OCIAD1: variants seen among roughly 807,000 people sequenced by gnomAD.
OCIAD1 encodes OCIA domain containing 1, also known as OCIA domain-containing protein 1.
A neutral mutation model predicts 38.9 loss-of-function variants in OCIAD1; 29 were observed. The observed-to-expected ratio is 0.74, with a 90% CI of 0.55 to 1.02. OCIAD1 has a LOEUF of 1.02. OCIAD1 is among the 50% of genes least tolerant of loss of function. The pLI is 0.00. For synonymous variants in OCIAD1, 110 were observed against 92.0 expected, an observed-to-expected ratio of 1.20 and a Z score of -1.12; for missense variants, 288 against 289.6, an observed-to-expected ratio of 0.99 and a Z score of 0.04.
intron 3 of OCIAD1, 99 bp downstream of exon 3, chr4:48,833,580 C>A (rs752555342): frequency 2.7e-5 from 19 of 699,934 alleles, no homozygotes; most frequent in Non-Finnish European, 4.4e-5. Context: ...CCGTATAGAA[C>A]AAATTGGCAA....
At chr4:48,810,578 A>G (rs1320756512) in intron 1 of OCIAD1, among the ~76,000 whole-genome samples, 2 of 151,886 alleles carry the variant, frequency 1.3e-5, no homozygotes, top group African/African-American at 2.4e-5. Flanking sequence ...CATATGATAT[A>G]TACTCACCAA....
At chr4:48,849,017 C>A (rs1385648347) in intron 5 of OCIAD1, among the ~76,000 whole-genome samples, 1 of 152,012 alleles carries the variant, frequency 6.6e-6, no homozygotes, top group Non-Finnish European at 1.5e-5. Context: ...AAGCTGGGAA[C>A]CATTATTATC....
rs191975213 is a variant in OCIAD1, at chr4:48,823,392, G to T, written c.-102-7185G>T. Among the ~76,000 whole-genome samples the T allele has an allele frequency of 1.9e-4, 29 of 151,878 alleles. No homozygotes were observed. In the East Asian group the frequency reaches 2.1e-3, roughly 11 times the overall value. On this transcript the variant is annotated intron_variant, in intron 1 of 6. Transcript: ENST00000504654. ...ACATCACACACCGGGACCTGTTGGT[G>T]GGGGGGTAGGGGGCAAAGGGAGGGA...
At chr4:48,852,328 C>T (rs751927463) in intron 7 of OCIAD1, 8 of 170,596 alleles carry the variant, frequency 4.7e-5, no homozygotes, top group Admixed American at 1.9e-4. Context: ...AATGATAAAT[C>T]GTGTCTCAGG....
intron 1 of OCIAD1, chr4:48,805,359 C>T (rs1334809493): frequency 6.6e-6 from 1 of 152,166 alleles, no homozygotes; most frequent in Non-Finnish European, 1.5e-5. Context: ...AACCACACAG[C>T]TAACCCACTC....
intron 1 of OCIAD1, among the ~76,000 whole-genome samples, chr4:48,813,079 A>G (rs577055245): frequency 3.9e-5 from 6 of 152,330 alleles, no homozygotes; most frequent in African/African-American, 1.4e-4. Context: ...GAAGAATTCC[A>G]CAGGCTCTTG....
chr4:48,833,519 A>G, intron 3 of OCIAD1, 38 bp downstream of exon 3: 1 of 1,280,686 alleles, frequency 7.8e-7, no homozygotes, highest in African/African-American at 1.5e-5. Flanking sequence ...TTTGATCCAA[A>G]ATTTGTACCT....
upstream of OCIAD1, among the ~76,000 whole-genome samples, chr4:48,830,205 C>G (rs1449153597): frequency 6.6e-6 from 1 of 152,142 alleles, no homozygotes; most frequent in African/African-American, 2.4e-5. Context: ...CTGGAGCTAT[C>G]AAAAGACTCC....
chr4:48,848,274 A>T, intron 4 of OCIAD1, 125 bp from the exon 5 acceptor site: 1 of 467,746 alleles, frequency 2.1e-6, no homozygotes, highest in Non-Finnish European at 3.8e-6. Context: ...TTCCCTATTA[A>T]ACAGTCTAGG....
At chr4:48,816,288 G>A (rs945642976) in intron 1 of OCIAD1, among the ~76,000 whole-genome samples, 1 of 152,182 alleles carries the variant, frequency 6.6e-6, no homozygotes, top group Non-Finnish European at 1.5e-5. Context: ...AACTGGAGGC[G>A]ATCAGGACAT....
At chr4:48,834,360 CG>C (rs1356486772) in intron 3 of OCIAD1, among the ~76,000 whole-genome samples, 1 of 152,182 alleles carries the variant, frequency 6.6e-6, no homozygotes. Flanking sequence ...CTAGTAGAAG[CG>C]GGATTTCACC....
Position 48,852,884 on chromosome 4 carries a change from T to TTTTTGTTTTTG in OCIAD1, c.547+913_547+914insGTTTTTGTTTT, listed in dbSNP as rs1378448673. Among the ~76,000 whole-genome samples the TTTTTGTTTTTG allele has an allele frequency of 6.9e-5, 10 of 144,400 alleles. 2 individuals are homozygous for TTTTTGTTTTTG. Among genetic ancestry groups the TTTTTGTTTTTG allele is most frequent in the Non-Finnish European group, 1.4e-4 (9 of 65,888 alleles). 94.7% of individuals were successfully genotyped at this position (144,400 alleles called of 152,430 possible). A position where few individuals can be genotyped will look rare whatever the true frequency, so the allele number is the denominator to read the frequency against. Reference sequence around the variant, plus strand: ...AGCCAAGTTTTTTTTTGTTTTTTGTTTTTTTTTTTTTTTTTGAGATGGAGT... The same window carrying TTTTTGTTTTTG: ...AGCCAAGTTTTTTTTTGTTTTTTGTTTTTTGTTTTTGTTTTTTTTTTTTTTTGAGATGGAGT... On this transcript the variant is annotated intron_variant, in intron 7 of 8. Transcript: ENST00000264312.
chr4:48,809,409 A>G (rs1194565881), intron 1 of OCIAD1, among the ~76,000 whole-genome samples: 1 of 152,064 alleles, frequency 6.6e-6, no homozygotes, highest in East Asian at 1.9e-4. Context: ...CAATAATCCC[A>G]GCTACTTAGG....
chr4:48,855,396 C>T (rs1159099088), intron 7 of OCIAD1, among the ~76,000 whole-genome samples: 3 of 152,164 alleles, frequency 2.0e-5, no homozygotes, highest in Non-Finnish European at 4.4e-5. Flanking sequence ...TTTTTCTTTA[C>T]ATTCTTTTTT....
chr4:48,821,382 G>A (rs1387182163), intron 1 of OCIAD1, among the ~76,000 whole-genome samples: 1 of 152,142 alleles, frequency 6.6e-6, no homozygotes, highest in Non-Finnish European at 1.5e-5. Context: ...AATAAACTAG[G>A]TGTGGATGGA....
upstream of OCIAD1, among the ~76,000 whole-genome samples, chr4:48,827,365 A>G (rs1777261927): frequency 6.6e-6 from 1 of 152,180 alleles, no homozygotes; most frequent in African/African-American, 2.4e-5. Flanking sequence ...TCTTAACTCA[A>G]TGGAGGTATC....
chr4:48,849,057 ACACCG>A (rs1238454411), intron 5 of OCIAD1, among the ~76,000 whole-genome samples: 19 of 152,272 alleles, frequency 1.2e-4, no homozygotes, highest in Middle Eastern at 6.8e-3. Flanking sequence ...AGAAAACCAA[ACACCG>A]CATGTTCTCA....
intron 1 of OCIAD1, among the ~76,000 whole-genome samples, chr4:48,820,689 A>G (rs913344898): frequency 2.0e-5 from 3 of 152,224 alleles, no homozygotes; most frequent in Non-Finnish European, 4.4e-5. Flanking sequence ...AGAATCAAAT[A>G]GACACAATAA....
intron 1 of OCIAD1, among the ~76,000 whole-genome samples, chr4:48,807,769 A>G (rs1329453654): frequency 6.6e-6 from 1 of 152,106 alleles, no homozygotes; most frequent in Non-Finnish European, 1.5e-5. Context: ...GCTCCAGAGA[A>G]TCTGTATTTT....
Sources: gnomAD v4.1 joint callset for allele counts (sites outside exome capture counted in the v4.1 genomes callset) on GRCh38, gnomAD v4.1.1 for gene constraint, MANE v1.5 for transcripts, NCBI Gene and HGNC (gene_info 2026-07-23, HGNC 2026-07-21) for gene names.